The following CERS6 variants were observed in gnomAD, a reference collection of about 807,000 sequenced individuals.
CERS6 encodes LAG1 homolog, ceramide synthase 6.
Under a neutral mutation model 56.8 loss-of-function variants are expected in CERS6, and 26 were observed. The observed-to-expected ratio is 0.46, with a 90% CI of 0.34 to 0.63. The LOEUF is 0.63. Ranked by LOEUF, CERS6 falls within the 30% of genes least tolerant of loss-of-function variation. The pLI is 0.01. For missense variants in CERS6, 415 were observed against 467.5 expected (o/e 0.89, Z 1.04); for synonymous variants, 164 against 173.3 (o/e 0.95, Z 0.42).
intron 6 of CERS6, among the ~76,000 whole-genome samples, chr2:168,695,330 C>G (rs1240919670): frequency 6.6e-6 from 1 of 152,116 alleles, no homozygotes; most frequent in African/African-American, 2.4e-5. Flanking sequence ...CAATCTAATT[C>G]CCAAGTTCCT....
At chr2:168,457,106 G>A (rs2105312960) in intron 1 of CERS6, among the ~76,000 whole-genome samples, 1 of 152,350 alleles carries the variant, frequency 6.6e-6, no homozygotes, top group South Asian at 2.1e-4. Context: ...TTATGCTCCG[G>A]CACACGGATT....
At chr2:168,675,610 G>A (rs1309749367) in intron 4 of CERS6, among the ~76,000 whole-genome samples, 2 of 151,656 alleles carry the variant, frequency 1.3e-5, no homozygotes, top group Non-Finnish European at 2.9e-5. Flanking sequence ...CAAAAACCAA[G>A]GACAACAACA....
chr2:168,597,889 A>T (rs545930346), intron 3 of CERS6, among the ~76,000 whole-genome samples: 1 of 152,292 alleles, frequency 6.6e-6, no homozygotes, highest in Non-Finnish European at 1.5e-5. Context: ...TCTAAATTGC[A>T]TAGACTTTAA....
intron 3 of CERS6, among the ~76,000 whole-genome samples, chr2:168,599,568 T>G (rs1024302514): frequency 6.6e-5 from 10 of 152,218 alleles, no homozygotes; most frequent in Non-Finnish European, 1.2e-4. Context: ...TGAATTTAAG[T>G]AGGTTAGTAA....
chr2:168,562,058 C>A (rs546171813), intron 3 of CERS6, among the ~76,000 whole-genome samples: 1 of 152,248 alleles, frequency 6.6e-6, no homozygotes, highest in African/African-American at 2.4e-5. Flanking sequence ...TGGTCTTCAT[C>A]TTTTGGGTGT....
intron 8 of CERS6, among the ~76,000 whole-genome samples, chr2:168,737,707 T>G (rs985881305): frequency 6.6e-6 from 1 of 152,236 alleles, no homozygotes; most frequent in Non-Finnish European, 1.5e-5. Context: ...AAAAACTGAA[T>G]TCAATATTAA....
rs866471508 is a variant in CERS6, at chr2:168,517,527, A to T, written c.171-30069A>T. Among the ~76,000 whole-genome samples, 454 of 150,908 alleles carry T rather than the reference A, an allele frequency of 3.0e-3. 3 individuals are homozygous for T. Among genetic ancestry groups the T allele is most frequent in the African/African-American group, 0.011 (439 of 40,944 alleles). ...TAAATAAATAAATAAATAAATAATA[A>T]AATAAAATAAACATTAAAAAAAAAG... On this transcript the variant is annotated intron_variant, in intron 1 of 9. Coordinates refer to ENST00000305747, the MANE Select transcript of CERS6 (RefSeq NM_203463.3).
Position 168,539,211 on chromosome 2 carries a change from C to A in CERS6, c.171-8385C>A, listed in dbSNP as rs1290807062. Among the ~76,000 whole-genome samples, 2 of 1,232 alleles carry A rather than the reference C, an allele frequency of 1.6e-3. 1 individual carries two copies. The highest frequency in any genetic ancestry group is 0.5 in the Non-Finnish European group (2 of 4). 0.8% of individuals were successfully genotyped at this position (1,232 alleles called of 152,430 possible). On this transcript the variant is annotated intron_variant, in intron 1 of 9. Coordinates refer to ENST00000305747, the MANE Select transcript of CERS6 (RefSeq NM_203463.3). The stretch of plus-strand genomic sequence containing the variant: ...CGATCTCCTGACCTCGTGATCCGCC[C>A]GCCTCGGCCTCCCAAAGTGCTGGGA...
intron 8 of CERS6, among the ~76,000 whole-genome samples, chr2:168,748,722 C>T (rs1252052677): frequency 6.6e-6 from 1 of 151,842 alleles, no homozygotes; most frequent in African/African-American, 2.4e-5. Context: ...GCTTTCAGAT[C>T]TCAGGCTCTG....
intron 1 of CERS6, among the ~76,000 whole-genome samples, chr2:168,482,807 T>C (rs764484954): frequency 7.9e-5 from 12 of 152,230 alleles, no homozygotes; most frequent in Non-Finnish European, 1.5e-4. Context: ...GATAGAATTA[T>C]TGGGTTTATC....
At chr2:168,592,921 G>A (rs1299323703) in intron 3 of CERS6, among the ~76,000 whole-genome samples, 1 of 152,146 alleles carries the variant, frequency 6.6e-6, no homozygotes, top group Non-Finnish European at 1.5e-5. Context: ...AGGAGTCCAA[G>A]TGGTTTCACT....
At chr2:168,543,599 T>A (rs1695412281) in intron 1 of CERS6, among the ~76,000 whole-genome samples, 3 of 152,238 alleles carry the variant, frequency 2.0e-5, no homozygotes, top group African/African-American at 7.2e-5. Context: ...ACGCCTTTTT[T>A]TGGAGAATAA....
At chr2:168,634,566 C>G (rs1684820942) in intron 4 of CERS6, among the ~76,000 whole-genome samples, 1 of 152,130 alleles carries the variant, frequency 6.6e-6, no homozygotes, top group Admixed American at 6.5e-5. Context: ...GCCTGTGCCA[C>G]CATGACAGGC....
At chr2:168,583,574 C>G (rs1683471940) in intron 3 of CERS6, among the ~76,000 whole-genome samples, 1 of 152,202 alleles carries the variant, frequency 6.6e-6, no homozygotes, top group Admixed American at 6.5e-5. Context: ...TAGACCAAAC[C>G]AGTCATTAGG....
chr2:168,685,286 A>G (rs1456494431), intron 4 of CERS6, among the ~76,000 whole-genome samples: 1 of 152,206 alleles, frequency 6.6e-6, no homozygotes, highest in Admixed American at 6.5e-5. Context: ...CTTAAATCAA[A>G]ATAGTTATTA....
intron 3 of CERS6, among the ~76,000 whole-genome samples, chr2:168,586,868 T>G (rs1051338190): frequency 6.6e-6 from 1 of 152,110 alleles, no homozygotes; most frequent in African/African-American, 2.4e-5. Flanking sequence ...ATACTAGGGG[T>G]CCTTAATAAA....
chr2:168,725,979 C>T (rs1322851780), intron 8 of CERS6, among the ~76,000 whole-genome samples: 1 of 152,154 alleles, frequency 6.6e-6, no homozygotes, highest in African/African-American at 2.4e-5. Context: ...TCTTATAGTC[C>T]ACTTATGTGT....
intron 3 of CERS6, among the ~76,000 whole-genome samples, chr2:168,624,378 G>T (rs1339116963): frequency 6.6e-6 from 1 of 152,146 alleles, no homozygotes; most frequent in Non-Finnish European, 1.5e-5. Context: ...GATCTCTGGA[G>T]TCAAATTGCT....
chr2:168,524,285 G>A (rs1695032769), intron 1 of CERS6, among the ~76,000 whole-genome samples: 1 of 152,158 alleles, frequency 6.6e-6, no homozygotes, highest in African/African-American at 2.4e-5. Flanking sequence ...ACTTACATTA[G>A]TTTCATTTTG....
Sources: allele counts gnomAD v4.1 joint callset (sites outside exome capture counted in the v4.1 genomes callset), GRCh38; gene constraint gnomAD v4.1.1; transcripts MANE v1.5; gene names NCBI Gene and HGNC (gene_info 2026-07-23, HGNC 2026-07-21).